TJAP1: variants seen among roughly 807,000 people sequenced by gnomAD.
TJAP1 encodes tight junction associated protein 1, also known as tight junction-associated protein 1.
TJAP1 carries 27 observed loss-of-function variants against 42.0 expected under a neutral mutation model. The observed-to-expected ratio is 0.64, with a 90% confidence interval of 0.47 to 0.89. The LOEUF (loss-of-function observed/expected upper bound fraction) is 0.89. Among genes scored for constraint, TJAP1 ranks in the 40% least tolerant of loss-of-function variants. The pLI, the probability that TJAP1 is intolerant of heterozygous loss-of-function variation, is 0.00. For synonymous variants in TJAP1, 257 were observed against 288.4 expected (o/e 0.89, Z 1.10); for missense variants, 712 against 726.9 (o/e 0.98, Z 0.24).
At position 43,501,891 on chromosome 6, in the gene TJAP1, C is replaced by CCACACA. The variant is rs550223728; in HGVS notation, c.290+236_290+241dup. 4.5e-3 allele frequency among the ~76,000 whole-genome samples: 175 copies of CCACACA among 39,036 alleles called. 3 individuals carry two copies. Among genetic ancestry groups the CCACACA allele is most frequent in the African/African-American group, 0.011 (106 of 9,268 alleles). The allele number at this position is 39,036 out of a possible 152,430, so 25.6% of individuals were successfully genotyped here. On this transcript the variant is annotated intron_variant, in intron 6 of 10. Transcript: ENST00000372449. Reference sequence around the variant, plus strand: ...GTTCTGCAGGTGTGGGAATGCGGGGCCACACACACACACACACACACACAC... The same window carrying CCACACA: ...GTTCTGCAGGTGTGGGAATGCGGGGCCACACACACACACACACACACACACACACAC...
rs1220196453 is a variant in TJAP1 at position 43,502,574 on chromosome 6, C to A, written c.358-14C>A. 6.4e-7 allele frequency: 1 copy of A among 1,550,732 alleles called. No homozygotes were observed. Among genetic ancestry groups the A allele is most frequent in the South Asian group, 1.2e-5 (1 of 84,040 alleles). On this transcript the variant is annotated splice_polypyrimidine_tract_variant and intron_variant, in intron 7 of 10. Transcript: ENST00000372449. Reference sequence around the variant, plus strand: ...CCTCATGCTGCCACCGTTGCTGCTGCACTCTCCTCTCAGGCCTCTCTTAGC... The same window carrying A: ...CCTCATGCTGCCACCGTTGCTGCTGAACTCTCCTCTCAGGCCTCTCTTAGC...
Position 43,491,257 on chromosome 6 carries a change from G to T in TJAP1, c.-121-6624G>T, listed in dbSNP as rs759820445. The stretch of plus-strand genomic sequence containing the variant: ...TAGATTAAGAGACCAAAGTTGGTGG[G>T]GGATATCCATGTTGACCAGAAATAT... On this transcript the variant is annotated intron_variant, in intron 2 of 10. Transcript: ENST00000372449. The surrounding 1 kb of genome is among the most constrained non-coding windows in gnomAD (Gnocchi z 4.6). Among the ~76,000 whole-genome samples, 2 of 152,100 alleles carry T rather than the reference G, an allele frequency of 1.3e-5. No individual in the cohort carries two copies. Among genetic ancestry groups the T allele is most frequent in the African/African-American group, 4.8e-5 (2 of 41,420 alleles).
chr6:43,492,555 G>A lies in TJAP1; in HGVS notation c.-121-5326G>A, dbSNP rs1264717340. On this transcript the variant is annotated intron_variant, in intron 2 of 10. Transcript: ENST00000372449. The surrounding 1 kb of genome is among the most constrained non-coding windows in gnomAD (Gnocchi z 4.2). ...GGAACAGCTGCATGCCGGAAACTGG[G>A]GGCTGGTGGCAAGCAGGAGGGGTAC... Among the ~76,000 whole-genome samples the A allele has an allele frequency of 6.6e-6, 1 of 152,196 alleles. No individual in the cohort carries two copies. Among genetic ancestry groups the A allele is most frequent in the Non-Finnish European group, 1.5e-5 (1 of 68,038 alleles).
chr6:43,493,759 G>C (rs1414805453), intron 2 of TJAP1, among the ~76,000 whole-genome samples: 1 of 152,130 alleles, frequency 6.6e-6, no homozygotes, highest in African/African-American at 2.4e-5. Flanking sequence ...CGGTAAGATA[G>C]TATATTGGGG....
At chr6:43,498,994 C>T in exon 4 of TJAP1, 1 of 1,613,620 alleles carries the variant, frequency 6.2e-7, no homozygotes, top group South Asian at 1.1e-5. Context: ...GAGCCGTCAC[C>T]TCCCAGAATG....
intron 3 of TJAP1, among the ~76,000 whole-genome samples, chr6:43,498,723 TG>T (rs1276891381): frequency 6.6e-6 from 1 of 152,120 alleles, no homozygotes; most frequent in African/African-American, 2.4e-5. Flanking sequence ...AGAACCTAGG[TG>T]TTCAGGCCCT....
intron 5 of TJAP1, chr6:43,501,239 T>C (rs1790442261): frequency 4.7e-6 from 2 of 430,066 alleles, no homozygotes; most frequent in Non-Finnish European, 8.3e-6. Flanking sequence ...GGGAGCCATA[T>C]CCCTACCCCC....
Position 43,505,488 on chromosome 6 carries a change from G to A in TJAP1, c.1307G>A (p.Arg436His), listed in dbSNP as rs113043362. The change falls in exon 11 of 11, where the codon CGC becomes CAC. Residue 436 changes from arginine (R) to histidine (H), a missense_variant. By Grantham distance (29) the Arg-to-His change is conservative. Around this residue, in one of 3 missense-constraint regions of TJAP1, gnomAD observed 549 missense variants for 528.2 expected, o/e 1.04. Coordinates refer to ENST00000372449, the Ensembl canonical transcript of TJAP1. This position sits in a 1 kb window ranked among gnomAD's most constrained non-coding sequence, Gnocchi z 5.5. ...GTGGCCCAGCGCACAGCCTTTGGAC[G>A]CGATGCCCTCCCTGAGCTGCAGCGC... 12 of 1,613,612 alleles carry A rather than the reference G, an allele frequency of 7.4e-6. 1 individual carries two copies. The East Asian group carries it at 1.1e-4, about 15-fold the overall frequency.
intron 2 of TJAP1, among the ~76,000 whole-genome samples, chr6:43,479,677 CAAA>C (rs113276624): frequency 0.026 from 4,003 of 152,078 alleles, 160 homozygotes; most frequent in African/African-American, 0.088. Context: ...CAAGAAACAA[CAAA>C]AAAAGCACTG....
chr6:43,501,289 G>A, intron 5 of TJAP1: 1 of 536,182 alleles, frequency 1.9e-6, no homozygotes, highest in South Asian at 2.7e-5. Context: ...AGGGAGGCTG[G>A]ACTGTCCCCT....
At chr6:43,500,587 A>T (rs2127601561) in intron 4 of TJAP1, 157 bp from the exon 5 acceptor site, 2 of 719,020 alleles carry the variant, frequency 2.8e-6, no homozygotes, top group Non-Finnish European at 4.9e-6. Flanking sequence ...TCCCAGCATT[A>T]CTGAATTGCT....
At chr6:43,494,754 G>T (rs1035590641) in intron 2 of TJAP1, among the ~76,000 whole-genome samples, 1 of 140,560 alleles carries the variant, frequency 7.1e-6, no homozygotes, top group South Asian at 2.2e-4. Flanking sequence ...TTCAATTTTT[G>T]TAGAGACAGG....
intron 4 of TJAP1, 80 bp from the exon 5 acceptor site, chr6:43,500,664 T>C (rs1276097578): frequency 6.5e-7 from 1 of 1,539,946 alleles, no homozygotes; most frequent in South Asian, 1.1e-5. Context: ...ACCTGAGCCT[T>C]CTTGTGGCTA....
At position 43,505,481 on chromosome 6, in the gene TJAP1, T is replaced by C; in HGVS notation, c.1300T>C (p.Phe434Leu). 6.2e-7 allele frequency: 1 copy of C among 1,613,692 alleles called. No homozygotes were observed. The highest frequency in any genetic ancestry group is 2.2e-5 in the East Asian group (1 of 44,884). The change falls in exon 11 of 11, where the codon TTT becomes CTT. Residue 434 changes from phenylalanine (F) to leucine (L), a missense_variant. Physicochemically the swap from Phe to Leu is conservative, Grantham distance 22. Transcript: ENST00000372449. This position sits in a 1 kb window ranked among gnomAD's most constrained non-coding sequence, Gnocchi z 5.5. The stretch of plus-strand genomic sequence containing the variant: ...TGCTGCTGTGGCCCAGCGCACAGCC[T>C]TTGGACGCGATGCCCTCCCTGAGCT...
chr6:43,505,509 A>G lies in TJAP1; in HGVS notation c.1328A>G (p.Gln443Arg). ...GGACGCGATGCCCTCCCTGAGCTGC[A>G]GCGCCATTTTGCCCATAGCCCCGCT... Residue 443 changes from glutamine (Q) to arginine (R), a missense_variant, in exon 11 of 11, where the codon CAG becomes CGG. This residue lies in a region of TJAP1 where 549 missense variants were observed against 528.2 expected (regional missense o/e 1.04). Transcript: ENST00000372449. This position sits in a 1 kb window ranked among gnomAD's most constrained non-coding sequence, Gnocchi z 5.5. 3.1e-6 allele frequency: 5 copies of G among 1,613,916 alleles called. No individual in the cohort carries two copies. Among genetic ancestry groups the G allele is most frequent in the Non-Finnish European group, 4.2e-6 (5 of 1,180,016 alleles).
chr6:43,504,478 G>T (rs1486347789), intron 10 of TJAP1: 2 of 488,566 alleles, frequency 4.1e-6, no homozygotes, highest in African/African-American at 1.9e-5. Flanking sequence ...AGTATGGTTT[G>T]GGCAGAAGCT....
chr6:43,493,135 G>A (rs939191937), intron 2 of TJAP1, among the ~76,000 whole-genome samples: 4 of 152,188 alleles, frequency 2.6e-5, no homozygotes, highest in South Asian at 4.1e-4. Flanking sequence ...AAGCAGTAGC[G>A]ATTACTAACT....
At chr6:43,499,145 C>T in intron 4 of TJAP1, 45 bp downstream of exon 4, 1 of 1,607,714 alleles carries the variant, frequency 6.2e-7, no homozygotes, top group Non-Finnish European at 8.5e-7. Flanking sequence ...AGGCAAGGCC[C>T]CTGAGGCTGG....
chr6:43,490,402 T>G (rs1787548043), intron 2 of TJAP1, among the ~76,000 whole-genome samples: 1 of 152,254 alleles, frequency 6.6e-6, no homozygotes, highest in South Asian at 2.1e-4. Context: ...ACCATGCTGC[T>G]GCTGCTTCTC....
Sources: gnomAD v4.1 joint callset for allele counts (sites outside exome capture counted in the v4.1 genomes callset) on GRCh38, gnomAD v4.1.1 for gene constraint, gnomAD v4.1.1 regional missense constraint, Gnocchi (gnomAD v3.1) non-coding constraint, MANE v1.5 for transcripts, NCBI Gene and HGNC (gene_info 2026-07-23, HGNC 2026-07-21) for gene names.